Variants in KCNQ1 observed in about 807,000 individuals in gnomAD.
KCNQ1 encodes the protein potassium voltage-gated channel subfamily KQT member 1.
Under a neutral mutation model 72.4 loss-of-function variants are expected in KCNQ1, and 49 were observed. The ratio of observed to expected loss-of-function variants is 0.68; its 90% CI spans 0.54 to 0.86. The LOEUF is 0.86. Among genes scored for constraint, KCNQ1 ranks in the 40% least tolerant of loss-of-function variants. KCNQ1 has a pLI of 0.00. For synonymous variants in KCNQ1, 450 were observed against 412.6 expected, an observed-to-expected ratio of 1.09 and a Z score of -1.10; for missense variants, 790 against 945.1, an observed-to-expected ratio of 0.84 and a Z score of 2.15.
chr11:2,730,895 G>A (rs1049543801), intron 11 of KCNQ1, among the ~76,000 whole-genome samples: 65 of 152,198 alleles, frequency 4.3e-4, no homozygotes, highest in African/African-American at 1.5e-3. Context: ...TGGGCACCAG[G>A]CCAGATGGAC....
In KCNQ1 at chr11:2,450,252, C is replaced by T. The variant is rs574302762; in HGVS notation, c.386+4768C>T. 2.4e-4 allele frequency among the ~76,000 whole-genome samples: 36 copies of T among 152,316 alleles called. No homozygotes were observed. Among genetic ancestry groups the T allele is most frequent in the African/African-American group, 7.5e-4 (31 of 41,582 alleles). ...TGTGGGAGGAGACAGCTCCCAAGGG[C>T]GGTGATGCCAGGAGAACATTCCAGG... On this transcript the variant is annotated intron_variant, in intron 1 of 15. Coordinates refer to ENST00000155840, the MANE Select transcript of KCNQ1 (RefSeq NM_000218.3). This position sits in a 1 kb window ranked among gnomAD's most constrained non-coding sequence, Gnocchi z 7.9.
intron 11 of KCNQ1, among the ~76,000 whole-genome samples, chr11:2,706,890 C>T (rs987804404): frequency 6.6e-5 from 10 of 152,216 alleles, no homozygotes; most frequent in Admixed American, 1.3e-4. Context: ...TCTAAGGCAG[C>T]AGAGAGCTGT....
rs956245750 is a variant in KCNQ1 at position 2,571,910 on chromosome 11, A to G, written c.684-103A>G. 7 of 905,718 alleles carry G rather than the reference A, an allele frequency of 7.7e-6. No individual in the cohort carries two copies. The East Asian group carries it at 1.8e-4, about 24-fold the overall frequency. The allele number at this position is 905,718 out of a possible 1,614,324, so 56.1% of individuals were successfully genotyped here. ...TCCCCACCCAGAGTGGACGCCTGGGAGGGGCAGGGGCAGGGACACCCATGC... is the reference window on the plus strand; with the variant it reads ...TCCCCACCCAGAGTGGACGCCTGGGGGGGGCAGGGGCAGGGACACCCATGC... On this transcript the variant is annotated intron_variant, in intron 4 of 15. Transcript: ENST00000155840.
intron 10 of KCNQ1, chr11:2,609,512 A>T: frequency 2.5e-6 from 1 of 398,382 alleles, no homozygotes; most frequent in Non-Finnish European, 4.4e-6. Flanking sequence ...TGTTGGGCGA[A>T]GTGCTCTATA....
At chr11:2,823,277 C>T (rs992105076) in intron 15 of KCNQ1, among the ~76,000 whole-genome samples, 2 of 152,222 alleles carry the variant, frequency 1.3e-5, no homozygotes, top group Admixed American at 1.3e-4. Flanking sequence ...AAGAGAGATG[C>T]CTTCAAAATT....
intron 10 of KCNQ1, chr11:2,636,212 C>T (rs1185432622): frequency 6.6e-6 from 1 of 152,182 alleles, no homozygotes; most frequent in Non-Finnish European, 1.5e-5. Context: ...CCAGAACTTC[C>T]AACACTATGT....
chr11:2,829,753 C>G (rs970964773), intron 15 of KCNQ1, among the ~76,000 whole-genome samples: 5 of 151,944 alleles, frequency 3.3e-5, no homozygotes, highest in Non-Finnish European at 7.4e-5. Context: ...AAGGTAAAGC[C>G]AAGAGATAGT....
rs1179427183 is a variant in KCNQ1 at position 2,509,228 on chromosome 11, T to A, written c.387-18700T>A. ...TTCATGAAACTGAAAATTTAAGTTT[T>A]TAATATCACATATTATTTCATGAAG... On this transcript the variant is annotated intron_variant, in intron 1 of 15. Coordinates refer to ENST00000155840, the MANE Select transcript of KCNQ1 (RefSeq NM_000218.3). The surrounding 1 kb of genome is among the most constrained non-coding windows in gnomAD (Gnocchi z 6.3). 6.6e-6 allele frequency among the ~76,000 whole-genome samples: 1 copy of A among 152,260 alleles called. No homozygotes were observed. The highest frequency in any genetic ancestry group is 1.5e-5 in the Non-Finnish European group (1 of 68,042).
At chr11:2,631,145 G>C (rs1006785219) in intron 10 of KCNQ1, 1 of 398,406 alleles carries the variant, frequency 2.5e-6, no homozygotes, top group African/African-American at 2.1e-5. Flanking sequence ...GATATGGGAA[G>C]TTTTCAGCCA....
rs1049746061 is a variant in KCNQ1, at chr11:2,713,817, C to G, written c.1514+51736C>G. 1.4e-4 allele frequency among the ~76,000 whole-genome samples: 22 copies of G among 152,230 alleles called. No homozygotes were observed. Among genetic ancestry groups the G allele is most frequent in the Non-Finnish European group, 2.8e-4 (19 of 68,042 alleles). On this transcript the variant is annotated intron_variant, in intron 11 of 15. Coordinates refer to ENST00000155840, the MANE Select transcript of KCNQ1 (RefSeq NM_000218.3). The surrounding 1 kb of genome is among the most constrained non-coding windows in gnomAD (Gnocchi z 5.6). ...GAGTTCATGGATTCAGAGGATATAC[C>G]GTATTCTGGCCGTCTTACATTACTG... is the stretch of plus-strand genomic sequence containing the variant.
In KCNQ1 at chr11:2,713,095, G is replaced by A. The variant is rs551460223; in HGVS notation, c.1514+51014G>A. 4.6e-5 allele frequency among the ~76,000 whole-genome samples: 7 copies of A among 152,252 alleles called. No homozygotes were observed. Among genetic ancestry groups the A allele is most frequent in the African/African-American group, 1.7e-4 (7 of 41,542 alleles). ...AATTAACAACTTTGTGAAGCATTTG[G>A]TATTTGGGGGATTTTACATTAGGGT... On this transcript the variant is annotated intron_variant, in intron 11 of 15. Coordinates refer to ENST00000155840, the MANE Select transcript of KCNQ1 (RefSeq NM_000218.3). This position sits in a 1 kb window ranked among gnomAD's most constrained non-coding sequence, Gnocchi z 5.6.
chr11:2,521,250 G>GCAACCGTGGATCCGTCCTCCC (rs1471284893), intron 1 of KCNQ1, among the ~76,000 whole-genome samples: 2 of 151,796 alleles, frequency 1.3e-5, no homozygotes, highest in Non-Finnish European at 2.9e-5. Context: ...CCTGCTCTCC[G>GCAACCGTGGATCCGTCCTCCC]CAACCGTGGA....
intron 10 of KCNQ1, chr11:2,649,686 TC>T (rs1849728146): frequency 2.5e-6 from 1 of 398,494 alleles, no homozygotes; most frequent in Non-Finnish European, 4.4e-6. Context: ...TGCTGTTGAT[TC>T]CCTTATATGT....
rs1325861939 is a variant in KCNQ1, at chr11:2,627,343, C to T, written c.1394-34618C>T. On this transcript the variant is annotated intron_variant, in intron 10 of 15. Coordinates refer to ENST00000155840, the MANE Select transcript of KCNQ1 (RefSeq NM_000218.3). The surrounding 1 kb of genome is among the most constrained non-coding windows in gnomAD (Gnocchi z 4.9). ...GGTCAGAATACCTAAGCTATACTCTCTTAGCAAATTCCAAGTATAGAATAT... is the reference window on the plus strand; with the variant it reads ...GGTCAGAATACCTAAGCTATACTCTTTTAGCAAATTCCAAGTATAGAATAT... 7.5e-6 allele frequency: 3 copies of T among 398,414 alleles called. No homozygotes were observed. The highest frequency in any genetic ancestry group is 1.3e-5 in the Non-Finnish European group (3 of 226,054). The allele number at this position is 398,414 out of a possible 1,614,324, so 24.7% of individuals were successfully genotyped here.
chr11:2,669,308 T>C lies in KCNQ1; in HGVS notation c.1514+7227T>C. 1 of 398,642 alleles carries C rather than the reference T, an allele frequency of 2.5e-6. No individual in the cohort carries two copies. The highest frequency in any genetic ancestry group is 3.6e-5 in the East Asian group (1 of 28,078). The allele number at this position is 398,642 out of a possible 1,614,324, so 24.7% of individuals were successfully genotyped here. A position where few individuals can be genotyped will look rare whatever the true frequency, so the allele number is the denominator to read the frequency against. On this transcript the variant is annotated intron_variant, in intron 11 of 15. Coordinates refer to ENST00000155840, the MANE Select transcript of KCNQ1 (RefSeq NM_000218.3). The surrounding 1 kb of genome is among the most constrained non-coding windows in gnomAD (Gnocchi z 5.6). ...TTCTCCTCACCATACATATGCCAGT[T>C]GCCATGGAAAGCCTCCTCTAGGCGC...
intron 1 of KCNQ1, among the ~76,000 whole-genome samples, chr11:2,503,432 C>T (rs996709388): frequency 2.6e-5 from 4 of 151,500 alleles, no homozygotes; most frequent in African/African-American, 7.3e-5. Context: ...AGCAAACTAT[C>T]GCAAGGACAG....
intron 2 of KCNQ1, among the ~76,000 whole-genome samples, chr11:2,542,212 C>G (rs533164354): frequency 6.6e-6 from 1 of 152,176 alleles, no homozygotes; most frequent in Non-Finnish European, 1.5e-5. Flanking sequence ...GGGGCTGTGC[C>G]GAGGGTGTGG....
At chr11:2,702,829 G>C (rs1850840231) in intron 11 of KCNQ1, among the ~76,000 whole-genome samples, 1 of 152,144 alleles carries the variant, frequency 6.6e-6, no homozygotes, top group Admixed American at 6.5e-5. Context: ...CAGCTCACCA[G>C]ACGTGGTCAG....
intron 6 of KCNQ1, 49 bp downstream of exon 6, chr11:2,573,035 G>A: frequency 6.3e-7 from 1 of 1,595,632 alleles, no homozygotes; most frequent in Non-Finnish European, 8.5e-7. Flanking sequence ...TCAGGCTGAG[G>A]AGTGGGCAGG....
Sources: allele counts gnomAD v4.1 joint callset (sites outside exome capture counted in the v4.1 genomes callset), GRCh38; gene constraint gnomAD v4.1.1; non-coding constraint Gnocchi (gnomAD v3.1); transcripts MANE v1.5; gene names NCBI Gene and HGNC (gene_info 2026-07-23, HGNC 2026-07-21).